Variants in TDRD3 observed in about 807,000 individuals in gnomAD.
The protein encoded by TDRD3 is tudor domain containing 3, also known as tudor domain-containing protein 3.
Under a neutral mutation model 86.7 loss-of-function variants are expected in TDRD3, and 45 were observed. The observed-to-expected ratio is 0.52, with a 90% CI of 0.41 to 0.67. The LOEUF is 0.67. TDRD3 is among the 30% of genes least tolerant of loss of function. The pLI is 0.00. For missense variants in TDRD3, 814 were observed against 889.0 expected (o/e 0.92, Z 1.07); for synonymous variants, 298 against 301.7 (o/e 0.99, Z 0.13).
At chr13:60,526,404 C>T (rs1380632059) in intron 10 of TDRD3, among the ~76,000 whole-genome samples, 3 of 152,022 alleles carry the variant, frequency 2.0e-5, no homozygotes, top group African/African-American at 4.8e-5. Flanking sequence ...GGAACAAAAG[C>T]CAATATATGC....
chr13:60,427,238 AGATTTGATT>A (rs2137897608), intron 1 of TDRD3, among the ~76,000 whole-genome samples: 1 of 152,300 alleles, frequency 6.6e-6, no homozygotes, highest in South Asian at 2.1e-4. Context: ...GGCATCAGAC[AGATTTGATT>A]GATTTTGTTT....
intron 3 of TDRD3, among the ~76,000 whole-genome samples, chr13:60,459,353 A>T (rs1955751809): frequency 6.6e-6 from 1 of 152,222 alleles, no homozygotes; most frequent in South Asian, 2.1e-4. Flanking sequence ...TTTACTTTTC[A>T]GACACGTAAG....
At position 60,460,242 on chromosome 13, in the gene TDRD3, A is replaced by C. The variant is rs556933335; in HGVS notation, c.193-138A>C. On this transcript the variant is annotated intron_variant, in intron 3 of 13. Transcript: ENST00000377881. ...AAAAAACTTGATAATATATAATTTC[A>C]GTTTCAATCTTAATTGAAGTTATTA... 29 of 724,686 alleles carry C rather than the reference A, an allele frequency of 4.0e-5. No homozygotes were observed. In the Admixed American group the frequency reaches 1.1e-3, roughly 27 times the overall value. 44.9% of individuals were successfully genotyped at this position (724,686 alleles called of 1,614,324 possible).
chr13:60,397,522 G>A, intron 1 of TDRD3, 117 bp downstream of exon 1: 4 of 862,104 alleles, frequency 4.6e-6, no homozygotes, highest in Middle Eastern at 4.1e-4. Flanking sequence ...GTCCGCCCCC[G>A]GCCTCTCCCC....
intron 12 of TDRD3, among the ~76,000 whole-genome samples, chr13:60,542,640 T>C (rs914826410): frequency 6.6e-6 from 1 of 152,218 alleles, no homozygotes; most frequent in Non-Finnish European, 1.5e-5. Flanking sequence ...AGTGGACTTA[T>C]GATACATATT....
At chr13:60,513,693 A>G (rs1218479286) in intron 10 of TDRD3, among the ~76,000 whole-genome samples, 1 of 152,122 alleles carries the variant, frequency 6.6e-6, no homozygotes, top group East Asian at 1.9e-4. Context: ...ATGAGATCTG[A>G]TGGCTTTATA....
chr13:60,496,326 T>G (rs1956717102), intron 8 of TDRD3, among the ~76,000 whole-genome samples: 2 of 81,146 alleles, frequency 2.5e-5, no homozygotes, highest in Non-Finnish European at 5.6e-5. Flanking sequence ...TATATATATA[T>G]ATATATATAT....
intron 1 of TDRD3, among the ~76,000 whole-genome samples, chr13:60,420,860 C>T (rs1954636701): frequency 6.6e-6 from 1 of 152,106 alleles, no homozygotes; most frequent in South Asian, 2.1e-4. Context: ...AGGAAAATGG[C>T]ATGAACCCAG....
At chr13:60,503,725 G>T (rs1421282823) in intron 8 of TDRD3, among the ~76,000 whole-genome samples, 1 of 152,196 alleles carries the variant, frequency 6.6e-6, no homozygotes, top group Non-Finnish European at 1.5e-5. Context: ...TTATGAAATA[G>T]AATTCCATAT....
chr13:60,551,996 T>C (rs1958068237), intron 12 of TDRD3, among the ~76,000 whole-genome samples: 1 of 152,146 alleles, frequency 6.6e-6, no homozygotes, highest in African/African-American at 2.4e-5. Context: ...TGAGATGAGA[T>C]TTGAGTGGGG....
At chr13:60,428,413 A>C (rs1339622228) in intron 1 of TDRD3, among the ~76,000 whole-genome samples, 1 of 151,994 alleles carries the variant, frequency 6.6e-6, no homozygotes, top group Non-Finnish European at 1.5e-5. Flanking sequence ...TTCTAAGTTA[A>C]TATAGGGGCC....
At chr13:60,526,980 G>A (rs1305456130) in intron 10 of TDRD3, among the ~76,000 whole-genome samples, 1 of 151,932 alleles carries the variant, frequency 6.6e-6, no homozygotes, top group African/African-American at 2.4e-5. Flanking sequence ...GATTACAGGT[G>A]TGCACCACCA....
At position 60,397,348 on chromosome 13, in the gene TDRD3, C is replaced by T; in HGVS notation, c.-17C>T. On this transcript the variant is annotated 5_prime_UTR_variant, in exon 1 of 14. Transcript: ENST00000377881. ...CCCCACCCCAGCCCCCCACCACCCC[C>T]GGCCTAAGCAGCTACCATGGCCCAG... 2.7e-6 allele frequency: 4 copies of T among 1,478,756 alleles called. No individual in the cohort carries two copies. Among genetic ancestry groups the T allele is most frequent in the Admixed American group, 2.1e-5 (1 of 46,544 alleles). The allele number at this position is 1,478,756 out of a possible 1,614,324, so 91.6% of individuals were successfully genotyped here. A position where few individuals can be genotyped will look rare whatever the true frequency, so the allele number is the denominator to read the frequency against.
intron 12 of TDRD3, among the ~76,000 whole-genome samples, chr13:60,549,308 C>T (rs572186074): frequency 1.8e-4 from 28 of 152,252 alleles, no homozygotes; most frequent in African/African-American, 6.5e-4. Context: ...GTTAACCTCT[C>T]AGCCCATTTT....
intron 10 of TDRD3, among the ~76,000 whole-genome samples, chr13:60,516,404 G>A (rs774948846): frequency 2.6e-5 from 4 of 151,958 alleles, no homozygotes; most frequent in Non-Finnish European, 1.5e-5. Context: ...TTGACTTTTT[G>A]TTGTTATATC....
chr13:60,543,429 T>G (rs1232291132), intron 12 of TDRD3, among the ~76,000 whole-genome samples: 1 of 152,184 alleles, frequency 6.6e-6, no homozygotes, highest in East Asian at 1.9e-4. Flanking sequence ...CAAGTTAATA[T>G]GTATTTTAAA....
intron 1 of TDRD3, among the ~76,000 whole-genome samples, chr13:60,405,976 G>A (rs564100089): frequency 3.5e-4 from 54 of 152,258 alleles, no homozygotes; most frequent in African/African-American, 1.2e-3. Flanking sequence ...GTTGTTAAAG[G>A]CTTGATTTCT....
intron 12 of TDRD3, chr13:60,547,513 G>A: frequency 1.8e-6 from 1 of 562,242 alleles, no homozygotes; most frequent in Non-Finnish European, 2.3e-6. Context: ...AATATCTCTG[G>A]GTCCCAGTTT....
chr13:60,547,331 C>G (rs145700891), intron 12 of TDRD3: 2 of 985,338 alleles, frequency 2.0e-6, no homozygotes, highest in East Asian at 2.3e-4. Context: ...TCTGCTTGGC[C>G]TTTGAGAGAA....
Sources: allele counts gnomAD v4.1 joint callset (sites outside exome capture counted in the v4.1 genomes callset), GRCh38; gene constraint gnomAD v4.1.1; transcripts MANE v1.5; gene names NCBI Gene and HGNC (gene_info 2026-07-23, HGNC 2026-07-21).